The following KRT72 variants were observed in gnomAD, a reference collection of about 807,000 sequenced individuals.
KRT72 encodes the protein keratin, type II cytoskeletal 72.
Under a neutral mutation model 44.7 loss-of-function variants are expected in KRT72, and 44 were observed. That is an observed-to-expected ratio of 0.98 (90% CI 0.77 to 1.27). The LOEUF (loss-of-function observed/expected upper bound fraction) is 1.27. Among genes scored for constraint, KRT72 ranks in the 50% most tolerant of loss-of-function variants. The probability of loss-of-function intolerance (pLI) is 0.00; values close to 1 mark genes in which losing one functional copy is unlikely to be tolerated. For missense variants in KRT72, 736 were observed against 667.1 expected (o/e 1.10, Z -1.14); for synonymous variants, 302 against 280.4 (o/e 1.08, Z -0.77).
Position 52,590,923 on chromosome 12 carries a change from A to C in KRT72, c.1002T>G (p.Asp334Glu). 6.2e-7 allele frequency: 1 copy of C among 1,606,994 alleles called. No individual in the cohort carries two copies. The highest frequency in any genetic ancestry group is 8.5e-7 in the Non-Finnish European group (1 of 1,174,984). ...TTTCAGCCTTGGTGAGCTTGAGGTC[A>C]TCCCCATGCTGGCCTGCTGTGACCT... ...ELQVTAGQHG[D>E]DLKLTKAEIS... The change falls in exon 6 of 9, where the codon GAT becomes GAG. Residue 334 changes from aspartate to glutamate, a missense_variant. By Grantham distance (45) the Asp-to-Glu change is conservative. Transcript: ENST00000293745.
chr12:52,591,846 C>T (rs934433528), intron 4 of KRT72, among the ~76,000 whole-genome samples: 3 of 152,152 alleles, frequency 2.0e-5, no homozygotes, highest in African/African-American at 4.8e-5. Context: ...AGGAGCACTC[C>T]TGCACCCTTC....
At chr12:52,591,779 G>A in intron 4 of KRT72, 151 bp from the exon 5 acceptor site, 1 of 733,650 alleles carries the variant, frequency 1.4e-6, no homozygotes. Context: ...GGCACGTGAA[G>A]AAGTGCCTTA....
rs1335476777 is a variant in KRT72 at position 52,585,692 on chromosome 12, G to C, written c.*290C>G. The stretch of plus-strand genomic sequence containing the variant: ...GTGAAGGCCCAAGAAAGGCATGGGG[G>C]CAGAGGGGCTTGTAGCTGGCCTTGG... On this transcript the variant is annotated 3_prime_UTR_variant, in exon 9 of 9. Transcript: ENST00000293745. 2.8e-6 allele frequency: 1 copy of C among 353,898 alleles called. No homozygotes were observed. Among genetic ancestry groups the C allele is most frequent in the Non-Finnish European group, 5.2e-6 (1 of 193,092 alleles). 21.9% of individuals were successfully genotyped at this position (353,898 alleles called of 1,614,324 possible). A position where few individuals can be genotyped will look rare whatever the true frequency, so the allele number is the denominator to read the frequency against.
intron 2 of KRT72, among the ~76,000 whole-genome samples, chr12:52,597,577 T>C (rs1395020609): frequency 6.6e-6 from 1 of 152,212 alleles, no homozygotes; most frequent in Non-Finnish European, 1.5e-5. Flanking sequence ...GACAGCCCTA[T>C]GAAGTAGATT....
rs755930591 is a variant in KRT72, at chr12:52,601,047, A to T, written c.406T>A (p.Phe136Ile). The T allele has an allele frequency of 6.2e-7, 1 of 1,611,906 alleles. No individual in the cohort carries two copies. The highest frequency in any genetic ancestry group is 1.1e-5 in the South Asian group (1 of 90,740). Residue 136 changes from phenylalanine to isoleucine, a missense_variant, in exon 1 of 9, where the codon TTC becomes ATC. Coordinates refer to ENST00000293745, the MANE Select transcript of KRT72 (RefSeq NM_080747.3). Reference protein sequence around the residue: ...REQIKALNNKFASFIDKVRFL... With the variant: ...REQIKALNNKIASFIDKVRFL... ...CTCACCTTGTCGATGAAGGAGGCGA[A>T]CTTGTTGTTTAGCGCCTTGATCTGC... is the stretch of plus-strand genomic sequence containing the variant.
intron 7 of KRT72, 144 bp from the exon 8 acceptor site, chr12:52,587,124 T>A: frequency 1.4e-6 from 1 of 718,440 alleles, no homozygotes. Flanking sequence ...CACATCCCAG[T>A]GCGACCCCCA....
Position 52,601,446 on chromosome 12 carries a change from G to C in KRT72, c.7C>G (p.Arg3Gly), listed in dbSNP as rs1281709772. ...CCGCGGGGGAAATGGGTCAGTTGGCGGCTCATGGCTCGCAAGTACCGGTGC... is the reference window on the plus strand; with the variant it reads ...CCGCGGGGGAAATGGGTCAGTTGGCCGCTCATGGCTCGCAAGTACCGGTGC... MSRQLTHFPRGER... is the reference protein window; with the variant it reads MSGQLTHFPRGER... Residue 3 changes from arginine to glycine, a missense_variant, in exon 1 of 9, where the codon CGC becomes GGC. By Grantham distance (125) the Arg-to-Gly change is moderately radical (BLOSUM62 -2). Coordinates refer to ENST00000293745, the MANE Select transcript of KRT72 (RefSeq NM_080747.3). 2.0e-6 allele frequency: 3 copies of C among 1,535,946 alleles called. No individual in the cohort carries two copies. In the East Asian group the frequency reaches 7.3e-5, roughly 38 times the overall value.
At chr12:52,596,997 T>A (rs911974047) in intron 2 of KRT72, among the ~76,000 whole-genome samples, 2 of 152,198 alleles carry the variant, frequency 1.3e-5, no homozygotes, top group Non-Finnish European at 2.9e-5. Flanking sequence ...AAGTTATGAT[T>A]TTTAAAGCAG....
rs532195834 is a variant in KRT72 at position 52,587,834 on chromosome 12, C to T, written c.1107G>A (p.Thr369=). 68 of 1,613,936 alleles carry T rather than the reference C, an allele frequency of 4.2e-5. 1 individual carries two copies. Among genetic ancestry groups the T allele is most frequent in the South Asian group, 3.7e-4 (34 of 91,070 alleles). ...CCCGCTGTTCAGCGTCGGCGATGGC[C>T]GTCTCCAGATCGGCACACTGAGGGG... is the stretch of plus-strand genomic sequence containing the variant. ...NVKKQCADLE[T]AIADAEQRGD... is the part of the protein sequence containing the mutation. The change falls in exon 7 of 9, where the codon ACG becomes ACA. Residue 369 remains threonine, a synonymous_variant. Coordinates refer to ENST00000293745, the MANE Select transcript of KRT72 (RefSeq NM_080747.3).
Position 52,592,386 on chromosome 12 carries a change from A to G in KRT72, c.798+10T>C. On this transcript the variant is annotated intron_variant, in intron 4 of 8. Transcript: ENST00000293745. The stretch of plus-strand genomic sequence containing the variant: ...GCAGATCTCACAAGAGAGGTCAGCC[A>G]AGTCCTTACCCCTTCATAAAGGCAC... 1 of 1,584,784 alleles carries G rather than the reference A, an allele frequency of 6.3e-7. No homozygotes were observed. Among genetic ancestry groups the G allele is most frequent in the Non-Finnish European group, 8.7e-7 (1 of 1,153,592 alleles).
chr12:52,586,066 G>T lies in KRT72; in HGVS notation c.1452C>A (p.Thr484=). The T allele has an allele frequency of 6.2e-7, 1 of 1,614,208 alleles. No homozygotes were observed. Among genetic ancestry groups the T allele is most frequent in the Non-Finnish European group, 8.5e-7 (1 of 1,180,038 alleles). Residue 484 remains threonine, a synonymous_variant, in exon 9 of 9, where the codon ACC becomes ACA. Transcript: ENST00000293745. ...SYKTAAADVK[T]KGSCGSELKD... is the part of the protein sequence containing the mutation. ...TGAGCTCACTGCCACAGCTGCCTTT[G>T]GTCTTGACGTCTGCAGCTGCAGTTT...
intron 6 of KRT72, among the ~76,000 whole-genome samples, chr12:52,588,367 ACAGGCTT>A (rs1318720311): frequency 6.6e-6 from 1 of 152,212 alleles, no homozygotes; most frequent in Non-Finnish European, 1.5e-5. Context: ...CTAAATGGCA[ACAGGCTT>A]AGAAGATACC....
At position 52,586,017 on chromosome 12, in the gene KRT72, C is replaced by T; in HGVS notation, c.1501G>A (p.Gly501Arg). Residue 501 changes from glycine (G) to arginine (R), a missense_variant, in exon 9 of 9, where the codon GGG becomes AGG. Transcript: ENST00000293745. Reference sequence around the variant, plus strand: ...GCCTTTTTGGTGGCACAGCTGCTCCCCGAGGTTTTGGCAAGGGGATCCTTG... The same window carrying T: ...GCCTTTTTGGTGGCACAGCTGCTCCTCGAGGTTTTGGCAAGGGGATCCTTG... ...ELKDPLAKTS[G>R]SSCATKKASR 1.2e-6 allele frequency: 2 copies of T among 1,613,992 alleles called. No individual in the cohort carries two copies. The highest frequency in any genetic ancestry group is 1.7e-6 in the Non-Finnish European group (2 of 1,179,934).
intron 2 of KRT72, among the ~76,000 whole-genome samples, chr12:52,593,453 G>A (rs1029970309): frequency 2.0e-5 from 3 of 152,340 alleles, no homozygotes; most frequent in Admixed American, 6.5e-5. Flanking sequence ...CAGAAATGTG[G>A]TTAGGACTGG....
At position 52,601,188 on chromosome 12, in the gene KRT72, G is replaced by A. The variant is rs773831708; in HGVS notation, c.265C>T (p.Pro89Ser). Residue 89 changes from proline to serine, a missense_variant, in exon 1 of 9, where the codon CCC (proline) becomes TCC (serine). Pro to Ser is a moderately conservative substitution (Grantham distance 74). Transcript: ENST00000293745. ...FGSAGLGPKC[P>S]SVCPPGGIPQ... ...ATGCCCCCGGGTGGGCACACGGAGG[G>A]ACACTTGGGCCCCAGCCCGGCGCTG... The A allele has an allele frequency of 2.5e-6, 4 of 1,612,806 alleles. No individual in the cohort carries two copies. The African/African-American group carries it at 4.0e-5, about 16-fold the overall frequency.
chr12:52,587,552 G>T, intron 7 of KRT72, 79 bp downstream of exon 7: 1 of 1,483,214 alleles, frequency 6.7e-7, no homozygotes, highest in Non-Finnish European at 9.4e-7. Flanking sequence ...ACCTAAACAG[G>T]ACCAAACTGT....
upstream of KRT72, chr12:52,601,591 T>A (rs1182749008): frequency 4.9e-6 from 4 of 808,090 alleles, no homozygotes; most frequent in African/African-American, 7.1e-5. Context: ...ACCTTTTAGA[T>A]CCCTTGAGGC....
chr12:52,586,454 C>A (rs1939748974), intron 8 of KRT72, among the ~76,000 whole-genome samples: 1 of 152,214 alleles, frequency 6.6e-6, no homozygotes, highest in African/African-American at 2.4e-5. Flanking sequence ...CTTCCCAGGG[C>A]CCATCTGGTG....
rs1940069266 is a variant in KRT72 at position 52,592,411 on chromosome 12, C to T, written c.783G>A (p.Lys261=). ...DSLTDEIKFF[K]CLYEGEITQI... ...AAGTCCTTACCCCTTCATAAAGGCA[C>T]TTGAAGAATTTAATCTCATCTGTCA... Residue 261 remains lysine, a synonymous_variant, in exon 4 of 9, where the codon AAG becomes AAA. Transcript: ENST00000293745. 2.5e-6 allele frequency: 4 copies of T among 1,612,610 alleles called. No homozygotes were observed. In the African/African-American group the frequency reaches 5.3e-5, roughly 21 times the overall value.
Sources: allele counts gnomAD v4.1 joint callset (sites outside exome capture counted in the v4.1 genomes callset), GRCh38; gene constraint gnomAD v4.1.1; transcripts MANE v1.5; gene names NCBI Gene and HGNC (gene_info 2026-07-23, HGNC 2026-07-21).